Variants in IQSEC2 observed in about 807,000 individuals in gnomAD.
The protein encoded by IQSEC2 is IQ motif and SEC7 domain-containing protein 2.
In IQSEC2, 6 loss-of-function variants were observed where a neutral mutation model predicts 74.6. That is an observed-to-expected ratio of 0.08 (90% confidence interval 0.04 to 0.16). IQSEC2 has a LOEUF of 0.16. Among genes scored for constraint, IQSEC2 ranks in the 10% least tolerant of loss-of-function variants. IQSEC2 has a pLI of 1.00. For synonymous variants in IQSEC2, 494 were observed against 544.5 expected (o/e 0.91, Z 1.29); for missense variants, 734 against 1,306.2 (o/e 0.56, Z 6.75).
intron 2 of IQSEC2, among the ~76,000 whole-genome samples, chrX:53,259,736 G>A (rs928006753): frequency 2.2e-4 from 24 of 111,403 alleles, no homozygotes; most frequent in Middle Eastern, 9.2e-3. Flanking sequence ...GGAGGTCAAG[G>A]CTGCGGTAAG....
chrX:53,254,642 A>C lies in IQSEC2; in HGVS notation c.1289T>G (p.Leu430Arg). ...GARSHRLERG[L>R]PYGGSCGGGI... Reference sequence around the variant, plus strand: ...CCCACCACAGGAGCCTCCATATGGGAGCCCCCGTTCAAGCCGGTGGCTCCG... The same window carrying C: ...CCCACCACAGGAGCCTCCATATGGGCGCCCCCGTTCAAGCCGGTGGCTCCG... The change falls in exon 4 of 15, where the codon CTC becomes CGC. Residue 430 changes from leucine (L) to arginine (R), a missense_variant. Around this residue, in one of 12 missense-constraint regions of IQSEC2, gnomAD observed 204 missense variants for 305.4 expected, o/e 0.67. Coordinates refer to ENST00000642864, the MANE Select transcript of IQSEC2 (RefSeq NM_001111125.3). 1 of 1,206,349 alleles carries C rather than the reference A, an allele frequency of 8.3e-7. No homozygotes were observed. Among genetic ancestry groups the C allele is most frequent in the Non-Finnish European group, 1.1e-6 (1 of 892,534 alleles).
chrX:53,241,858 C>T lies in IQSEC2; in HGVS notation c.2941G>A (p.Val981Met), dbSNP rs781869986. The change falls in exon 10 of 15, where the codon GTG becomes ATG. Residue 981 changes from valine to methionine, a missense_variant. Physicochemically the swap from Val to Met is conservative, Grantham distance 21. Coordinates refer to ENST00000642864, the MANE Select transcript of IQSEC2 (RefSeq NM_001111125.3). Reference protein sequence around the residue: ...RLVCCCQLYEVPDPNRPQRLG... With the variant: ...RLVCCCQLYEMPDPNRPQRLG... ...CTCTGGGGGCGGTTTGGATCTGGCA[C>T]CTCGTAGAGCTGGCAGCAGCAAACC... The T allele has an allele frequency of 8.3e-7, 1 of 1,208,980 alleles. No homozygotes were observed. The highest frequency in any genetic ancestry group is 1.1e-6 in the Non-Finnish European group (1 of 894,562).
rs1556873120 is a variant in IQSEC2 at position 53,291,905 on chromosome X, T to C, written c.727A>G (p.Arg243Gly). ...LQRKSDGENSRTVSVEGDAPG... is the reference protein window; with the variant it reads ...LQRKSDGENSGTVSVEGDAPG... ...AAAGGAGGTACTGACCTGACTGTTC[T>C]GGAATTCTCACCATCAGATCTGAAA... The change falls in exon 2 of 15, where the codon AGA (arginine) becomes GGA (glycine). Residue 243 changes from arginine to glycine, a missense_variant. Arg to Gly is a moderately radical substitution (Grantham distance 125). Coordinates refer to ENST00000642864, the MANE Select transcript of IQSEC2 (RefSeq NM_001111125.3). The C allele has an allele frequency of 2.6e-6, 3 of 1,166,206 alleles. No homozygotes were observed. Among genetic ancestry groups the C allele is most frequent in the Admixed American group, 2.6e-5 (1 of 38,670 alleles).
intron 12 of IQSEC2, among the ~76,000 whole-genome samples, chrX:53,236,703 C>A (rs782036801): frequency 4.5e-5 from 5 of 111,386 alleles, no homozygotes; most frequent in Non-Finnish European, 9.4e-5. Context: ...TAGTGCCCAG[C>A]TCCTGTCTTG....
At chrX:53,226,367 G>A (rs2074037952), downstream of IQSEC2, 2 of 112,438 alleles carry the variant, frequency 1.8e-5, no homozygotes, top group South Asian at 3.6e-4. Flanking sequence ...GAGTACTTGC[G>A]TACATGCTGA....
intron 1 of IQSEC2, among the ~76,000 whole-genome samples, chrX:53,297,212 G>T (rs1336203873): frequency 9.0e-6 from 1 of 110,674 alleles, no homozygotes; most frequent in Non-Finnish European, 1.9e-5. Context: ...ATGTTGCCTA[G>T]GCTGGTGGTC....
chrX:53,278,013 T>C (rs1195712146), intron 2 of IQSEC2, among the ~76,000 whole-genome samples: 2 of 76,925 alleles, frequency 2.6e-5, no homozygotes, highest in Non-Finnish European at 5.0e-5. Context: ...CTTTTTTTTT[T>C]TTTTTTTTTT....
chrX:53,236,042 C>T (rs1321587049), intron 13 of IQSEC2, among the ~76,000 whole-genome samples: 16 of 110,758 alleles, frequency 1.4e-4, no homozygotes, highest in Admixed American at 1.0e-3. Context: ...AGTGGAGGTA[C>T]AGGAGAGACA....
At chrX:53,264,068 C>A (rs1556867123) in intron 2 of IQSEC2, among the ~76,000 whole-genome samples, 1 of 112,350 alleles carries the variant, frequency 8.9e-6, no homozygotes, top group African/African-American at 3.2e-5. Context: ...TGCTTAAAAG[C>A]CACCCACACC....
chrX:53,289,511 C>T lies in IQSEC2; in HGVS notation c.737+2384G>A, dbSNP rs782446598. Among the ~76,000 whole-genome samples, 10 of 111,385 alleles carry T rather than the reference C, an allele frequency of 9.0e-5. 1 individual carries two copies. The South Asian group carries it at 3.8e-3, about 43-fold the overall frequency. ...AAGCTGATCCCACCTCCGGGGACAC[C>T]CTCCTTATGCAAATCTGCACGGCAG... On this transcript the variant is annotated intron_variant, in intron 2 of 14. Transcript: ENST00000642864.
At chrX:53,310,719 G>C (rs977108148) in intron 1 of IQSEC2, among the ~76,000 whole-genome samples, 6 of 111,474 alleles carry the variant, frequency 5.4e-5, no homozygotes, top group Non-Finnish European at 1.9e-5. Flanking sequence ...TGTCAGGCCA[G>C]AAACTGCCTC....
At chrX:53,316,350 C>CT (rs2075370429) in intron 1 of IQSEC2, among the ~76,000 whole-genome samples, 1 of 111,412 alleles carries the variant, frequency 9.0e-6, no homozygotes, top group East Asian at 2.8e-4. Context: ...GTTTTCCCTC[C>CT]TGGGAAGGAG....
In IQSEC2 at chrX:53,248,845, C is replaced by T. The variant is rs2074344427; in HGVS notation, c.2335G>A (p.Gly779Ser). 8.3e-7 allele frequency: 1 copy of T among 1,211,077 alleles called. No individual in the cohort carries two copies. The highest frequency in any genetic ancestry group is 1.7e-5 in the African/African-American group (1 of 57,668). ...CCCACCGGTGTGTCTGACAGGAAGC[C>T]CCGCTCGATCAGATACTGGATACCC... Reference protein sequence around the residue: ...EKGIQYLIERGFLSDTPVGVA... With the variant: ...EKGIQYLIERSFLSDTPVGVA... Residue 779 changes from glycine to serine, a missense_variant, in exon 6 of 15, where the codon GGC becomes AGC. By Grantham distance (56) the Gly-to-Ser change is moderately conservative (BLOSUM62 0). Around this residue, in one of 12 missense-constraint regions of IQSEC2, gnomAD observed 14 missense variants for 20.4 expected, o/e 0.69. Transcript: ENST00000642864.
At chrX:53,305,419 G>GATA (rs1556876406) in intron 1 of IQSEC2, among the ~76,000 whole-genome samples, 2 of 110,399 alleles carry the variant, frequency 1.8e-5, no homozygotes, top group African/African-American at 6.6e-5. Context: ...TTGCTATGTT[G>GATA]CCCAGGCTGG....
At chrX:53,241,176 G>A (rs2074214419) in intron 10 of IQSEC2, among the ~76,000 whole-genome samples, 2 of 111,447 alleles carry the variant, frequency 1.8e-5, no homozygotes, top group Admixed American at 9.5e-5. Flanking sequence ...TGCGATCACA[G>A]CACACTGCAA....
chrX:53,318,941 G>A (rs986805363), intron 1 of IQSEC2, among the ~76,000 whole-genome samples: 2 of 112,884 alleles, frequency 1.8e-5, no homozygotes, highest in Non-Finnish European at 3.8e-5. Context: ...GACTGAGCTC[G>A]CAGCAGCCCT....
chrX:53,290,668 C>T (rs2075089729), intron 2 of IQSEC2, among the ~76,000 whole-genome samples: 1 of 112,139 alleles, frequency 8.9e-6, no homozygotes, highest in Non-Finnish European at 1.9e-5. Flanking sequence ...CTGGCCTCAG[C>T]ATGTGTTTAT....
intron 2 of IQSEC2, among the ~76,000 whole-genome samples, chrX:53,273,756 G>A (rs782494828): frequency 1.2e-4 from 13 of 112,265 alleles, no homozygotes; most frequent in Middle Eastern, 4.6e-3. Context: ...CTTGCTGTGC[G>A]AGTATATACA....
At chrX:53,250,046 G>A (rs983350828) in intron 5 of IQSEC2, among the ~76,000 whole-genome samples, 4 of 111,419 alleles carry the variant, frequency 3.6e-5, no homozygotes, top group Admixed American at 2.9e-4. Context: ...TCTCACCCAA[G>A]ATCAGACAGC....
Sources: gnomAD v4.1 joint callset for allele counts (sites outside exome capture counted in the v4.1 genomes callset) on GRCh38, gnomAD v4.1.1 for gene constraint, gnomAD v4.1.1 regional missense constraint, MANE v1.5 for transcripts, NCBI Gene and HGNC (gene_info 2026-07-23, HGNC 2026-07-21) for gene names.